The following DNMT1 variants were observed in gnomAD, a reference collection of about 807,000 sequenced individuals.
DNMT1 encodes DNA (cytosine-5)-methyltransferase 1.
In DNMT1, 24 loss-of-function variants were observed where a neutral mutation model predicts 205.3. The observed-to-expected ratio is 0.12, with a 90% CI of 0.08 to 0.16. The LOEUF is 0.16. DNMT1 is among the 10% of genes least tolerant of loss of function. The pLI is 1.00. For synonymous variants in DNMT1, 817 were observed against 839.8 expected, an observed-to-expected ratio of 0.97 and a Z score of 0.47; for missense variants, 1,293 against 2,177.7, an observed-to-expected ratio of 0.59 and a Z score of 8.09.
chr19:10,134,006 G>A (rs2145246633), intron 40 of DNMT1, among the ~76,000 whole-genome samples: 1 of 152,338 alleles, frequency 6.6e-6, no homozygotes, highest in East Asian at 1.9e-4. Flanking sequence ...CCTGACCAAA[G>A]GCCTGCTGTG....
At chr19:10,153,618 CAGAG>C (rs1371223960) in intron 22 of DNMT1, among the ~76,000 whole-genome samples, 4 of 142,510 alleles carry the variant, frequency 2.8e-5, no homozygotes, top group Admixed American at 2.2e-4. Context: ...GCCTGGGTGA[CAGAG>C]AGAGACTGTC....
In DNMT1 at chr19:10,177,334, T is replaced by C. The variant is rs374440818; in HGVS notation, c.527A>G (p.Lys176Arg). ...EPSPSPRITR[K>R]STRQTTITSH... ...TGTGATGGTGGTTTGCCTGGTGCTT[T>C]TCCTTGTAATCCTGGGGCTAGGTGA... Residue 176 changes from lysine to arginine, a missense_variant, in exon 6 of 41, where the codon AAA (lysine) becomes AGA (arginine). Physicochemically the swap from Lys to Arg is conservative, Grantham distance 26. This residue lies in a region of DNMT1 where 394 missense variants were observed against 451.6 expected (regional missense o/e 0.87). Coordinates refer to ENST00000359526, the MANE Select transcript of DNMT1 (RefSeq NM_001130823.3). 86 of 1,613,908 alleles carry C rather than the reference T, an allele frequency of 5.3e-5. No homozygotes were observed. The highest frequency in any genetic ancestry group is 6.2e-5 in the Non-Finnish European group (73 of 1,180,008).
At chr19:10,158,677 G>C (rs949899490) in intron 17 of DNMT1, among the ~76,000 whole-genome samples, 1 of 152,158 alleles carries the variant, frequency 6.6e-6, no homozygotes, top group African/African-American at 2.4e-5. Context: ...GAAGGTACGG[G>C]CCGGACGCCA....
At chr19:10,148,848 G>A (rs372890065) in intron 27 of DNMT1, 36 bp downstream of exon 27, 85 of 1,613,786 alleles carry the variant, frequency 5.3e-5, no homozygotes, top group Non-Finnish European at 7.0e-5. Context: ...TGGGCTGAAA[G>A]TGCCTGCTGA....
rs189010128 is a variant in DNMT1 at position 10,190,716 on chromosome 19, G to A, written c.80+4104C>T. On this transcript the variant is annotated intron_variant, in intron 1 of 40. Coordinates refer to ENST00000359526, the MANE Select transcript of DNMT1 (RefSeq NM_001130823.3). ...GGAGGGGGAGGTTGCAGTGAGCCAA[G>A]TTCGCACCACTGCACTCCAGCCTGG... Among the ~76,000 whole-genome samples, 485 of 151,506 alleles carry A rather than the reference G, an allele frequency of 3.2e-3. 4 individuals carry two copies. The highest frequency in any genetic ancestry group is 0.011 in the African/African-American group (464 of 41,200).
At chr19:10,139,855 C>G in intron 33 of DNMT1, 38 bp from the exon 34 acceptor site, 1 of 1,561,176 alleles carries the variant, frequency 6.4e-7, no homozygotes, top group Non-Finnish European at 8.7e-7. Context: ...GTCACCTCCA[C>G]AGACAGAGGG....
intron 13 of DNMT1, among the ~76,000 whole-genome samples, chr19:10,160,631 A>G (rs2038548547): frequency 6.6e-6 from 1 of 152,244 alleles, no homozygotes; most frequent in Non-Finnish European, 1.5e-5. Context: ...ACAGTGGCTC[A>G]TGCCTGTAAT....
Position 10,143,866 on chromosome 19 carries a change from G to T in DNMT1, c.3016C>A (p.Pro1006Thr). The T allele has an allele frequency of 3.1e-6, 5 of 1,614,178 alleles. No homozygotes were observed. Among genetic ancestry groups the T allele is most frequent in the Non-Finnish European group, 4.2e-6 (5 of 1,180,040 alleles). The part of the protein sequence containing the change: ...IKGSNLDAPE[P>T]YRIGRIKEIF... Reference sequence around the variant, plus strand: ...TCTTTGATCCGGCCAATTCGGTAGGGCTCAGGGGCATCCAGGTTGCTGCCT... The same window carrying T: ...TCTTTGATCCGGCCAATTCGGTAGGTCTCAGGGGCATCCAGGTTGCTGCCT... Residue 1006 changes from proline to threonine, a missense_variant, in exon 29 of 41, where the codon CCC becomes ACC. By Grantham distance (38) the Pro-to-Thr change is conservative. Around this residue, in one of 13 missense-constraint regions of DNMT1, gnomAD observed 167 missense variants for 258.1 expected, o/e 0.65. Coordinates refer to ENST00000359526, the MANE Select transcript of DNMT1 (RefSeq NM_001130823.3).
intron 17 of DNMT1, among the ~76,000 whole-genome samples, chr19:10,157,671 C>T (rs969709879): frequency 1.3e-5 from 2 of 152,210 alleles, no homozygotes; most frequent in Non-Finnish European, 2.9e-5. Context: ...AAGGCTCAAA[C>T]AAAACACTGC....
In DNMT1 at chr19:10,151,089, C is replaced by T. The variant is rs1236511868; in HGVS notation, c.2265+309G>A. On this transcript the variant is annotated intron_variant, in intron 24 of 40. Transcript: ENST00000359526. The surrounding 1 kb of genome is among the most constrained non-coding windows in gnomAD (Gnocchi z 5.0). The stretch of plus-strand genomic sequence containing the variant: ...CAGCCTGGGTGACAGAGCAAGATTC[C>T]ATCTTAAACAAAACAAAACAGAAAA... Among the ~76,000 whole-genome samples, 1 of 152,084 alleles carries T rather than the reference C, an allele frequency of 6.6e-6. No homozygotes were observed. The highest frequency in any genetic ancestry group is 1.5e-5 in the Non-Finnish European group (1 of 68,018).
At chr19:10,164,682 C>T (rs576326958) in intron 11 of DNMT1, among the ~76,000 whole-genome samples, 8 of 151,932 alleles carry the variant, frequency 5.3e-5, no homozygotes, top group Non-Finnish European at 1.2e-4. Flanking sequence ...AATCCCAGCA[C>T]CTTGGGAGGC....
chr19:10,158,659 G>C (rs1465240952), intron 17 of DNMT1, among the ~76,000 whole-genome samples: 1 of 152,206 alleles, frequency 6.6e-6, no homozygotes, highest in Non-Finnish European at 1.5e-5. Flanking sequence ...GCTGACGTGA[G>C]CCTCGGTGAA....
chr19:10,160,245 T>A, intron 14 of DNMT1, 139 bp downstream of exon 14: 1 of 1,517,000 alleles, frequency 6.6e-7, no homozygotes, highest in Non-Finnish European at 9.0e-7. Flanking sequence ...CTGACGCACC[T>A]TGGTCCTATG....
chr19:10,147,556 AGCC>A (rs2038226556), intron 27 of DNMT1, among the ~76,000 whole-genome samples: 1 of 152,000 alleles, frequency 6.6e-6, no homozygotes, highest in Non-Finnish European at 1.5e-5. Flanking sequence ...GGTTGCAGTG[AGCC>A]GAGATCGTGC....
In DNMT1 at chr19:10,141,936, G is replaced by A. The variant is rs1008163981; in HGVS notation, c.3309+92C>T. On this transcript the variant is annotated intron_variant, in intron 30 of 40. Coordinates refer to ENST00000359526, the MANE Select transcript of DNMT1 (RefSeq NM_001130823.3). ...CACTTCTTACAAAAGCTGAAACCCTGCAGCCAAGCCGCCTTGTGTATAACC... is the reference window on the plus strand; with the variant it reads ...CACTTCTTACAAAAGCTGAAACCCTACAGCCAAGCCGCCTTGTGTATAACC... 38 of 1,481,820 alleles carry A rather than the reference G, an allele frequency of 2.6e-5. No homozygotes were observed. The Admixed American group carries it at 4.8e-4, about 19-fold the overall frequency. 91.8% of individuals were successfully genotyped at this position (1,481,820 alleles called of 1,614,324 possible). A position where few individuals can be genotyped will look rare whatever the true frequency, so the allele number is the denominator to read the frequency against.
chr19:10,149,712 T>A (rs1486139928), intron 25 of DNMT1, 55 bp from the exon 26 acceptor site: 1 of 1,611,888 alleles, frequency 6.2e-7, no homozygotes, highest in African/African-American at 1.3e-5. Flanking sequence ...AGCAGATATG[T>A]GACCAAGTCT....
At chr19:10,182,433 A>G (rs1164754063) in intron 1 of DNMT1, among the ~76,000 whole-genome samples, 2 of 136,732 alleles carry the variant, frequency 1.5e-5, no homozygotes, top group East Asian at 2.1e-4. Context: ...ATATGTGTGT[A>G]TATATATACA....
intron 29 of DNMT1, 65 bp from the exon 30 acceptor site, chr19:10,142,285 T>A (rs2145270823): frequency 6.2e-7 from 1 of 1,608,530 alleles, no homozygotes; most frequent in Non-Finnish European, 8.5e-7. Flanking sequence ...AATTAAACAG[T>A]ACCATGTTCC....
At chr19:10,168,208 G>C in intron 10 of DNMT1, 122 bp downstream of exon 10, 1 of 1,094,244 alleles carries the variant, frequency 9.1e-7, no homozygotes, top group Non-Finnish European at 1.4e-6. Flanking sequence ...AGCAGAACTT[G>C]CCCACATAAG....
Sources: gnomAD v4.1 joint callset for allele counts (sites outside exome capture counted in the v4.1 genomes callset) on GRCh38, gnomAD v4.1.1 for gene constraint, gnomAD v4.1.1 regional missense constraint, Gnocchi (gnomAD v3.1) non-coding constraint, MANE v1.5 for transcripts, NCBI Gene and HGNC (gene_info 2026-07-23, HGNC 2026-07-21) for gene names.